PDE4D: variants seen among roughly 807,000 people sequenced by gnomAD.
PDE4D encodes the protein phosphodiesterase 4D, also known as 3',5'-cyclic-AMP phosphodiesterase 4D.
PDE4D carries 24 observed loss-of-function variants against 87.4 expected under a neutral mutation model. The ratio of observed to expected loss-of-function variants is 0.27; its 90% CI spans 0.20 to 0.39. The LOEUF is 0.39. Ranked by LOEUF, PDE4D falls within the 10% of genes least tolerant of loss-of-function variation. The pLI is 1.00. For missense variants in PDE4D, 714 were observed against 1,041.0 expected (o/e 0.69, Z 4.32); for synonymous variants, 384 against 383.2 (o/e 1.00, Z -0.02).
At chr5:59,568,488 AG>A (rs1431107434) in intron 1 of PDE4D, among the ~76,000 whole-genome samples, 1 of 152,152 alleles carries the variant, frequency 6.6e-6, no homozygotes, top group Admixed American at 6.5e-5. Context: ...TCCAAAGGGT[AG>A]GTATGAAAAT....
At chr5:60,246,859 G>A (rs910230134) in intron 1 of PDE4D, among the ~76,000 whole-genome samples, 1 of 151,934 alleles carries the variant, frequency 6.6e-6, no homozygotes, top group African/African-American at 2.4e-5. Flanking sequence ...GTGAAACTTG[G>A]TTGAATGGTA....
At chr5:59,222,653 G>A (rs1273992667) in intron 1 of PDE4D, among the ~76,000 whole-genome samples, 1 of 152,162 alleles carries the variant, frequency 6.6e-6, no homozygotes, top group Non-Finnish European at 1.5e-5. Context: ...TACATAGTAA[G>A]AACAATGGCA....
At position 59,381,767 on chromosome 5, in the gene PDE4D, ATAG is replaced by A. The variant is rs1427865463; in HGVS notation, c.456-165802_456-165800del. On this transcript the variant is annotated intron_variant, in intron 1 of 14. Transcript: ENST00000340635. Reference sequence around the variant, plus strand: ...ACTCCTTATCTGAAATAGTTGACATATAGTTAATAAGAGCTTTTTTCCAGGAAG... The same window carrying A: ...ACTCCTTATCTGAAATAGTTGACATATTAATAAGAGCTTTTTTCCAGGAAG... Among the ~76,000 whole-genome samples the A allele has an allele frequency of 2.6e-5, 4 of 152,258 alleles. No individual in the cohort carries two copies. In the East Asian group the frequency reaches 7.7e-4, roughly 29 times the overall value.
intron 2 of PDE4D, among the ~76,000 whole-genome samples, chr5:60,049,624 C>T (rs941731846): frequency 2.0e-5 from 3 of 152,244 alleles, no homozygotes; most frequent in African/African-American, 4.8e-5. Flanking sequence ...AGTACCCAGC[C>T]GTGTGAGGTG....
At chr5:59,574,050 TTA>T (rs1822421758) in intron 1 of PDE4D, among the ~76,000 whole-genome samples, 1 of 79,230 alleles carries the variant, frequency 1.3e-5, no homozygotes, top group African/African-American at 5.8e-5. Context: ...TTATATATAT[TTA>T]TATATAAAAA....
At chr5:59,836,325 T>G (rs1352044996) in intron 1 of PDE4D, among the ~76,000 whole-genome samples, 2 of 152,024 alleles carry the variant, frequency 1.3e-5, no homozygotes, top group Non-Finnish European at 1.5e-5. Context: ...GTATCTCTAA[T>G]TTTTCTTCAA....
intron 1 of PDE4D, among the ~76,000 whole-genome samples, chr5:59,490,705 A>C (rs150780640): frequency 2.1e-3 from 314 of 152,360 alleles, no homozygotes; most frequent in African/African-American, 7.2e-3. Context: ...AAAATAAACT[A>C]TTATAACCAA....
chr5:59,230,427 A>G (rs542615413), intron 1 of PDE4D, among the ~76,000 whole-genome samples: 2 of 152,284 alleles, frequency 1.3e-5, no homozygotes, highest in African/African-American at 4.8e-5. Flanking sequence ...GTGATCCTCA[A>G]TCACATTCCT....
chr5:60,304,955 C>T (rs1754341300), intron 1 of PDE4D, among the ~76,000 whole-genome samples: 1 of 151,480 alleles, frequency 6.6e-6, no homozygotes, highest in African/African-American at 2.4e-5. Context: ...ACCCACTCAA[C>T]TTGGGTATCT....
chr5:59,148,495 T>C (rs2409627), intron 5 of PDE4D, among the ~76,000 whole-genome samples: 20,662 of 152,154 alleles, frequency 0.14, 1,538 homozygotes, highest in South Asian at 0.16. Flanking sequence ...TGACAATAGA[T>C]CCACACCTCA....
intron 2 of PDE4D, among the ~76,000 whole-genome samples, chr5:60,118,739 G>C (rs1312591038): frequency 6.6e-6 from 1 of 152,012 alleles, no homozygotes; most frequent in Non-Finnish European, 1.5e-5. Context: ...ACAGCCACTA[G>C]ATCAGTGTTT....
intron 1 of PDE4D, among the ~76,000 whole-genome samples, chr5:59,259,993 T>C (rs1359935182): frequency 1.3e-5 from 2 of 151,886 alleles, no homozygotes; most frequent in Non-Finnish European, 2.9e-5. Context: ...TACAAAACTT[T>C]ATAGGATTTC....
At chr5:59,841,838 A>G (rs1357815721) in intron 1 of PDE4D, among the ~76,000 whole-genome samples, 2 of 152,088 alleles carry the variant, frequency 1.3e-5, no homozygotes, top group Non-Finnish European at 2.9e-5. Context: ...ATTGTAGTGC[A>G]GAGAGCAAGG....
intron 1 of PDE4D, among the ~76,000 whole-genome samples, chr5:60,189,035 T>C (rs1375300581): frequency 6.6e-6 from 1 of 152,200 alleles, no homozygotes; most frequent in African/African-American, 2.4e-5. Context: ...AAAGATAATG[T>C]GGTGAGACTG....
chr5:59,472,016 G>A (rs937331267), intron 1 of PDE4D, among the ~76,000 whole-genome samples: 29 of 152,114 alleles, frequency 1.9e-4, no homozygotes, highest in African/African-American at 7.0e-4. Context: ...AGGCAGGTCA[G>A]AATATATATG....
At chr5:59,454,073 A>C (rs1344668096) in intron 1 of PDE4D, among the ~76,000 whole-genome samples, 1 of 152,200 alleles carries the variant, frequency 6.6e-6, no homozygotes, top group East Asian at 1.9e-4. Context: ...TTGTGCCTGA[A>C]ACAGCAAAGC....
At chr5:59,846,924 T>C (rs1453312855) in intron 1 of PDE4D, among the ~76,000 whole-genome samples, 1 of 151,932 alleles carries the variant, frequency 6.6e-6, no homozygotes, top group Non-Finnish European at 1.5e-5. Flanking sequence ...AAACACTGGG[T>C]TTTAAAAATA....
At chr5:60,173,287 T>TA (rs1384581633) in intron 2 of PDE4D, among the ~76,000 whole-genome samples, 1 of 151,988 alleles carries the variant, frequency 6.6e-6, no homozygotes, top group Admixed American at 6.6e-5. Context: ...CTAAGGCTCA[T>TA]AAAATGAGGA....
At chr5:59,416,575 G>C (rs1793652738) in intron 1 of PDE4D, among the ~76,000 whole-genome samples, 1 of 152,126 alleles carries the variant, frequency 6.6e-6, no homozygotes, top group Admixed American at 6.5e-5. Context: ...AACTCTCTAG[G>C]TATTGCAGGA....
Sources: allele counts gnomAD v4.1 joint callset (sites outside exome capture counted in the v4.1 genomes callset), GRCh38; gene constraint gnomAD v4.1.1; transcripts MANE v1.5; gene names NCBI Gene and HGNC (gene_info 2026-07-23, HGNC 2026-07-21).